STK3: variants seen among roughly 807,000 people sequenced by gnomAD.
STK3 encodes the protein serine/threonine kinase 3.
A neutral mutation model predicts 58.0 loss-of-function variants in STK3; 41 were observed. The ratio of observed to expected loss-of-function variants is 0.71; its 90% CI spans 0.55 to 0.92. The LOEUF (loss-of-function observed/expected upper bound fraction) is 0.92, where lower values mean the gene tolerates loss of function less well. Among genes scored for constraint, STK3 ranks in the 40% least tolerant of loss-of-function variants. STK3 has a pLI of 0.00. For missense variants in STK3, 479 were observed against 602.7 expected, an observed-to-expected ratio of 0.79 and a Z score of 2.15; for synonymous variants, 170 against 191.0, an observed-to-expected ratio of 0.89 and a Z score of 0.91.
At chr8:98,447,624 T>C (rs1819011147) in intron 1 of STK3, among the ~76,000 whole-genome samples, 1 of 146,274 alleles carries the variant, frequency 6.8e-6, no homozygotes, top group African/African-American at 2.5e-5. Flanking sequence ...ATATAGTATC[T>C]ATATATTGCA....
intron 2 of STK3, among the ~76,000 whole-genome samples, chr8:98,373,415 T>G (rs1285600370): frequency 6.6e-6 from 1 of 152,250 alleles, no homozygotes; most frequent in Non-Finnish European, 1.5e-5. Flanking sequence ...TCATGACATT[T>G]ACTTATGGTC....
In STK3 at chr8:98,540,639, T is replaced by A. The variant is rs140991739; in HGVS notation, c.1141+7330A>T. On this transcript the variant is annotated intron_variant, in intron 9 of 10. Transcript: ENST00000419617. ...ATGAGAAATCTTCCGGTAAACAATT[T>A]ATTATTTAACATTGTAGTCGACTGA... Among the ~76,000 whole-genome samples, 7 of 152,304 alleles carry A rather than the reference T, an allele frequency of 4.6e-5. No homozygotes were observed. The East Asian group carries it at 1.3e-3, about 29-fold the overall frequency.
chr8:98,871,654 G>A (rs1837385164), intron 3 of STK3, among the ~76,000 whole-genome samples: 2 of 151,990 alleles, frequency 1.3e-5, no homozygotes, highest in Admixed American at 1.3e-4. Flanking sequence ...GTCTGTTATT[G>A]GTGTATAGGA....
At chr8:98,920,653 T>C (rs7820829) in intron 1 of STK3, among the ~76,000 whole-genome samples, 12,270 of 152,276 alleles carry the variant, frequency 0.081, 545 homozygotes, top group South Asian at 0.1. Context: ...TCTAGTTTGT[T>C]CAAATGTTAC....
chr8:98,592,908 CG>C (rs1332134708), intron 7 of STK3, among the ~76,000 whole-genome samples: 1 of 152,080 alleles, frequency 6.6e-6, no homozygotes, highest in African/African-American at 2.4e-5. Flanking sequence ...GGACTACAGA[CG>C]TGCACCACCA....
intron 8 of STK3, among the ~76,000 whole-genome samples, chr8:98,558,207 T>C (rs1451038218): frequency 6.6e-6 from 1 of 152,104 alleles, no homozygotes; most frequent in African/African-American, 2.4e-5. Context: ...AAGCAGTTTA[T>C]AAAACATCCA....
intron 8 of STK3, among the ~76,000 whole-genome samples, chr8:98,568,322 GATGTCAAAA>G (rs1211864621): frequency 6.6e-6 from 1 of 152,132 alleles, no homozygotes; most frequent in Non-Finnish European, 1.5e-5. Flanking sequence ...GTATATGGGA[GATGTCAAAA>G]ATGTGGAAGC....
chr8:98,851,046 C>T (rs1437483109), intron 3 of STK3, among the ~76,000 whole-genome samples: 1 of 152,130 alleles, frequency 6.6e-6, no homozygotes, highest in Non-Finnish European at 1.5e-5. Context: ...CTCTGCTCTC[C>T]TAGAAAGTGA....
chr8:98,754,347 G>C (rs977862524), intron 3 of STK3, among the ~76,000 whole-genome samples: 1 of 152,088 alleles, frequency 6.6e-6, no homozygotes, highest in Non-Finnish European at 1.5e-5. Context: ...ACCTGGCTGT[G>C]CATGAGAGCC....
At chr8:98,835,145 C>T (rs1835700252) in intron 3 of STK3, among the ~76,000 whole-genome samples, 1 of 152,110 alleles carries the variant, frequency 6.6e-6, no homozygotes, top group African/African-American at 2.4e-5. Flanking sequence ...CTCTCTGGGC[C>T]TAAGAGAGTC....
intron 7 of STK3, among the ~76,000 whole-genome samples, chr8:98,587,404 G>A (rs1182023117): frequency 6.6e-6 from 1 of 151,950 alleles, no homozygotes; most frequent in African/African-American, 2.4e-5. Context: ...GTAGTTGAGT[G>A]GTTTTGAGTG....
chr8:98,404,986 C>T (rs1218515489), intron 3 of STK3, among the ~76,000 whole-genome samples: 1 of 152,194 alleles, frequency 6.6e-6, no homozygotes, highest in Non-Finnish European at 1.5e-5. Flanking sequence ...AGGACCAGTC[C>T]TGAATACAGA....
chr8:98,700,840 A>G (rs1825537424), intron 6 of STK3, among the ~76,000 whole-genome samples: 1 of 152,112 alleles, frequency 6.6e-6, no homozygotes, highest in Non-Finnish European at 1.5e-5. Context: ...ATGCTGAACA[A>G]CAGGTAAGCA....
chr8:98,885,178 G>A (rs1192487900), intron 1 of STK3, among the ~76,000 whole-genome samples: 2 of 152,180 alleles, frequency 1.3e-5, no homozygotes, highest in African/African-American at 4.8e-5. Flanking sequence ...GTCTTACCAG[G>A]AGTATAAAAT....
intron 1 of STK3, among the ~76,000 whole-genome samples, chr8:98,912,441 G>C (rs1839181422): frequency 1.3e-5 from 2 of 151,904 alleles, no homozygotes; most frequent in African/African-American, 2.4e-5. Context: ...CGCTGGTAAA[G>C]CTGGATTGGA....
At chr8:98,542,052 T>C (rs918197480) in intron 9 of STK3, among the ~76,000 whole-genome samples, 1 of 152,176 alleles carries the variant, frequency 6.6e-6, no homozygotes, top group African/African-American at 2.4e-5. Flanking sequence ...AAGTCTCAGT[T>C]TCCTTAGTGC....
intron 6 of STK3, among the ~76,000 whole-genome samples, chr8:98,636,243 G>T (rs1389732513): frequency 6.6e-6 from 1 of 151,920 alleles, no homozygotes; most frequent in East Asian, 1.9e-4. Flanking sequence ...ATTGGGCATG[G>T]TAATACAATC....
intron 7 of STK3, among the ~76,000 whole-genome samples, chr8:98,592,858 G>A (rs900939531): frequency 6.6e-6 from 1 of 151,748 alleles, no homozygotes; most frequent in African/African-American, 2.4e-5. Flanking sequence ...CTGTCTCCCG[G>A]GTTCAAGTGA....
intron 10 of STK3, among the ~76,000 whole-genome samples, chr8:98,464,301 T>A (rs1349449034): frequency 2.0e-5 from 3 of 152,096 alleles, no homozygotes; most frequent in Non-Finnish European, 2.9e-5. Context: ...TACTCTTTTT[T>A]CCCTTAATAT....
Sources: gnomAD v4.1 joint callset for allele counts (sites outside exome capture counted in the v4.1 genomes callset) on GRCh38, gnomAD v4.1.1 for gene constraint, MANE v1.5 for transcripts, NCBI Gene and HGNC (gene_info 2026-07-23, HGNC 2026-07-21) for gene names.